The following ZNF215 variants were observed in gnomAD, a reference collection of about 807,000 sequenced individuals.
ZNF215 encodes the protein zinc finger protein 215.
ZNF215 carries 24 observed loss-of-function variants against 27.2 expected under a neutral mutation model. The observed-to-expected ratio is 0.88, with a 90% CI of 0.64 to 1.24. ZNF215 has a LOEUF of 1.24. ZNF215 is among the 50% of genes most tolerant of loss of function. The pLI is 0.00. For missense variants in ZNF215, 675 were observed against 605.7 expected (o/e 1.11, Z -1.20); for synonymous variants, 210 against 204.0 (o/e 1.03, Z -0.25).
At position 6,956,821 on chromosome 11, in the gene ZNF215, C is replaced by T. The variant is rs1850378679; in HGVS notation, c.*290C>T. On this transcript the variant is annotated 3_prime_UTR_variant, in exon 7 of 7. Coordinates refer to ENST00000278319, the MANE Select transcript of ZNF215 (RefSeq NM_013250.4). Reference sequence around the variant, plus strand: ...TTGATATCCATTACCCTCACCTCTCCCTAGTTCATAAATAGGTCTATAGCA... The same window carrying T: ...TTGATATCCATTACCCTCACCTCTCTCTAGTTCATAAATAGGTCTATAGCA... The T allele has an allele frequency of 8.8e-7, 1 of 1,134,004 alleles. No homozygotes were observed. The highest frequency in any genetic ancestry group is 1.1e-6 in the Non-Finnish European group (1 of 925,098). The allele number at this position is 1,134,004 out of a possible 1,614,324, so 70.2% of individuals were successfully genotyped here.
chr11:6,977,434 G>A (rs1339077191), intron 5 of ZNF215, among the ~76,000 whole-genome samples: 3 of 151,938 alleles, frequency 2.0e-5, no homozygotes, highest in African/African-American at 7.3e-5. Context: ...TACTATCCGA[G>A]GTTTCAGGTA....
At chr11:6,992,368 A>G (rs904233502), downstream of ZNF215, among the ~76,000 whole-genome samples, 1 of 152,214 alleles carries the variant, frequency 6.6e-6, no homozygotes, top group African/African-American at 2.4e-5. Flanking sequence ...ATATTGTCAA[A>G]GTTGTATTTC....
Position 6,981,646 on chromosome 11 carries a change from G to T in ZNF215, c.806-2483G>T, listed in dbSNP as rs1327849549. ...CCATTTGTCAACTTTGGCTTTTGTT[G>T]CCATTGCTTTTGGTGTTTTAGACAT... On this transcript the variant is annotated intron_variant, in intron 5 of 5. Transcript: ENST00000529903. Among the ~76,000 whole-genome samples, 34 of 152,088 alleles carry T rather than the reference G, an allele frequency of 2.2e-4. 1 individual carries two copies. The highest frequency in any genetic ancestry group is 2.2e-3 in the Admixed American group (33 of 15,262).
Position 6,955,997 on chromosome 11 carries a change from C to A in ZNF215, c.1020C>A (p.Tyr340Ter). The A allele has an allele frequency of 1.9e-6, 3 of 1,612,026 alleles. No individual in the cohort carries two copies. In the South Asian group the frequency reaches 3.3e-5, roughly 18 times the overall value. Residue 340 changes from tyrosine to a stop codon, truncating the protein, a stop_gained, in exon 7 of 7, where the codon TAC becomes TAA. Coordinates refer to ENST00000278319, the MANE Select transcript of ZNF215 (RefSeq NM_013250.4). LOFTEE classifies it low-confidence loss of function (END_TRUNC). ...GSPKCDKFKT[Y>*]FKFNLDSVGK... Reference sequence around the variant, plus strand: ...CAAAATGTGATAAGTTTAAAACTTACTTCAAATTTAATTTAGACTCAGTAG... The same window carrying A: ...CAAAATGTGATAAGTTTAAAACTTAATTCAAATTTAATTTAGACTCAGTAG...
intron 5 of ZNF215, among the ~76,000 whole-genome samples, chr11:6,974,964 T>C (rs913027554): frequency 6.6e-6 from 1 of 152,186 alleles, no homozygotes; most frequent in Non-Finnish European, 1.5e-5. Flanking sequence ...CATCCCTGTC[T>C]TGTGCCAGTT....
intron 5 of ZNF215, among the ~76,000 whole-genome samples, chr11:6,981,638 C>T (rs1460334744): frequency 6.6e-6 from 1 of 152,042 alleles, no homozygotes; most frequent in Non-Finnish European, 1.5e-5. Flanking sequence ...TCAACTTTGG[C>T]TTTTGTTGCC....
chr11:6,931,901 G>A lies in ZNF215; in HGVS notation c.-179-193G>A, dbSNP rs185805888. The stretch of plus-strand genomic sequence containing the variant: ...ATCATTTGTTTTGGGATGTCTATTC[G>A]TGTGTGTTTCTTTGTCCTTTGGGAA... On this transcript the variant is annotated intron_variant, in intron 2 of 6. Coordinates refer to ENST00000278319, the MANE Select transcript of ZNF215 (RefSeq NM_013250.4). Among the ~76,000 whole-genome samples the A allele has an allele frequency of 8.7e-3, 1,324 of 152,196 alleles. 8 individuals are homozygous for A. Among genetic ancestry groups the A allele is most frequent in the Non-Finnish European group, 0.011 (746 of 68,012 alleles).
At chr11:6,953,697 G>C (rs1409286437) in intron 6 of ZNF215, among the ~76,000 whole-genome samples, 1 of 152,170 alleles carries the variant, frequency 6.6e-6, no homozygotes, top group Non-Finnish European at 1.5e-5. Context: ...CCTGTAGCTT[G>C]AAGTAGTTTG....
At chr11:6,933,751 C>T (rs1442183101) in intron 3 of ZNF215, among the ~76,000 whole-genome samples, 1 of 146,628 alleles carries the variant, frequency 6.8e-6, no homozygotes, top group Non-Finnish European at 1.5e-5. Context: ...GCCGAGATGG[C>T]GCCACTGCAC....
chr11:6,960,222 A>G (rs552810676), downstream of ZNF215, among the ~76,000 whole-genome samples: 165 of 152,280 alleles, frequency 1.1e-3, no homozygotes, highest in African/African-American at 3.7e-3. Context: ...TGGGAATGCA[A>G]ATAATTACTA....
At chr11:6,984,726 G>T (rs924359003), downstream of ZNF215, 1 of 151,958 alleles carries the variant, frequency 6.6e-6, no homozygotes, top group African/African-American at 2.4e-5. Flanking sequence ...GATATAAATT[G>T]GTATGTTGCT....
downstream of ZNF215, among the ~76,000 whole-genome samples, chr11:6,989,463 C>T (rs571261233): frequency 6.6e-4 from 101 of 152,226 alleles, no homozygotes; most frequent in African/African-American, 2.2e-3. Context: ...CTACCTGGAA[C>T]ATCAAATGAC....
In ZNF215 at chr11:6,956,841, A is replaced by G. The variant is rs1054382542; in HGVS notation, c.*310A>G. ...CTCTCCCTAGTTCATAAATAGGTCTATAGCATACTAATATCCACCTGATTT... is the reference window on the plus strand; with the variant it reads ...CTCTCCCTAGTTCATAAATAGGTCTGTAGCATACTAATATCCACCTGATTT... On this transcript the variant is annotated 3_prime_UTR_variant, in exon 7 of 7. Coordinates refer to ENST00000278319, the MANE Select transcript of ZNF215 (RefSeq NM_013250.4). 2.8e-6 allele frequency: 3 copies of G among 1,060,674 alleles called. No homozygotes were observed. The highest frequency in any genetic ancestry group is 3.4e-6 in the Non-Finnish European group (3 of 878,022). 65.7% of individuals were successfully genotyped at this position (1,060,674 alleles called of 1,614,324 possible).
At chr11:6,946,787 G>T (rs1056763822) in intron 6 of ZNF215, among the ~76,000 whole-genome samples, 7 of 152,050 alleles carry the variant, frequency 4.6e-5, no homozygotes, top group African/African-American at 1.7e-4. Flanking sequence ...GTTCTTTGAG[G>T]GTAGGCATAA....
At chr11:6,941,762 C>T in intron 4 of ZNF215, 109 bp downstream of exon 4, 1 of 1,145,586 alleles carries the variant, frequency 8.7e-7, no homozygotes, top group Non-Finnish European at 1.2e-6. Flanking sequence ...CATCCAAGAA[C>T]ATGAGACTTT....
intron 5 of ZNF215, among the ~76,000 whole-genome samples, chr11:6,973,267 G>C (rs1269421989): frequency 6.6e-6 from 1 of 152,096 alleles, no homozygotes; most frequent in Non-Finnish European, 1.5e-5. Context: ...TGGTGTATAT[G>C]TGCCACATTT....
chr11:6,943,584 G>A lies in ZNF215; in HGVS notation c.655G>A (p.Glu219Lys), dbSNP rs1338005598. 7 of 1,613,842 alleles carry A rather than the reference G, an allele frequency of 4.3e-6. No individual in the cohort carries two copies. Among genetic ancestry groups the A allele is most frequent in the Non-Finnish European group, 5.9e-6 (7 of 1,179,994 alleles). ...CAAACCATTTGAGAGCCTTAAGTTG[G>A]AGAGTAAGAAAAAAAGATGGATAAT... ...LSKPFESLKL[E>K]SKKKRWIMEK... Residue 219 changes from glutamate (E) to lysine (K), a missense_variant, in exon 6 of 7, where the codon GAG (glutamate) becomes AAG (lysine). Glu to Lys is a moderately conservative substitution (Grantham distance 56). Transcript: ENST00000278319.
At chr11:6,971,967 A>C (rs763929143) in intron 5 of ZNF215, among the ~76,000 whole-genome samples, 1 of 152,144 alleles carries the variant, frequency 6.6e-6, no homozygotes, top group Non-Finnish European at 1.5e-5. Flanking sequence ...TTTAAACTAC[A>C]TATTGGCACT....
chr11:6,967,171 T>C (rs1590081007), intron 5 of ZNF215, among the ~76,000 whole-genome samples: 1 of 152,228 alleles, frequency 6.6e-6, no homozygotes, highest in African/African-American at 2.4e-5. Flanking sequence ...TAGTATTCCA[T>C]GGTGTATATA....
Sources: gnomAD v4.1 joint callset for allele counts (sites outside exome capture counted in the v4.1 genomes callset) on GRCh38, gnomAD v4.1.1 for gene constraint, MANE v1.5 for transcripts, NCBI Gene and HGNC (gene_info 2026-07-23, HGNC 2026-07-21) for gene names.